Variants in AIG1 observed in about 807,000 individuals in gnomAD.
AIG1 encodes the protein androgen induced 1.
AIG1 carries 23 observed loss-of-function variants against 31.4 expected under a neutral mutation model. The ratio of observed to expected loss-of-function variants is 0.73; its 90% CI spans 0.53 to 1.04. AIG1 has a LOEUF of 1.04. Ranked by LOEUF, AIG1 falls within the 50% of genes least tolerant of loss-of-function variation. The pLI, the probability that AIG1 is intolerant of heterozygous loss-of-function variation, is 0.00. For missense variants in AIG1, 274 were observed against 295.0 expected (o/e 0.93, Z 0.52); for synonymous variants, 100 against 110.5 (o/e 0.90, Z 0.60).
chr6:143,242,748 A>C (rs1794329489), intron 3 of AIG1, among the ~76,000 whole-genome samples: 1 of 152,242 alleles, frequency 6.6e-6, no homozygotes, highest in South Asian at 2.1e-4. Context: ...TTAAGCTTGG[A>C]AAATCCAAGA....
At chr6:143,132,356 C>T (rs553376512) in intron 1 of AIG1, among the ~76,000 whole-genome samples, 1 of 152,102 alleles carries the variant, frequency 6.6e-6, no homozygotes, top group Non-Finnish European at 1.5e-5. Context: ...AAGTCTTTCA[C>T]CTTTGAGAGT....
chr6:143,126,265 C>A (rs771941669), intron 1 of AIG1: 1 of 152,150 alleles, frequency 6.6e-6, no homozygotes, highest in South Asian at 2.1e-4. Flanking sequence ...GATTTCTCTA[C>A]GGAGTAGCAT....
intron 1 of AIG1, among the ~76,000 whole-genome samples, chr6:143,100,486 A>G (rs1780160192): frequency 6.6e-6 from 1 of 152,256 alleles, no homozygotes; most frequent in South Asian, 2.1e-4. Context: ...CACAAAATTA[A>G]AAAGCATTCA....
At chr6:143,098,432 C>G (rs564253507) in intron 1 of AIG1, among the ~76,000 whole-genome samples, 4 of 152,330 alleles carry the variant, frequency 2.6e-5, no homozygotes, top group South Asian at 2.1e-4. Flanking sequence ...CTTAGCCTCC[C>G]TTACTGGTTC....
In AIG1 at chr6:143,327,482, A is replaced by G; in HGVS notation, c.516-5800A>G. 2.5e-6 allele frequency: 1 copy of G among 393,284 alleles called. No homozygotes were observed. Among genetic ancestry groups the G allele is most frequent in the South Asian group, 2.2e-5 (1 of 45,704 alleles). The allele number at this position is 393,284 out of a possible 1,614,324, so 24.4% of individuals were successfully genotyped here. Reference sequence around the variant, plus strand: ...AGATTTGCGCATTGATACCAGGCCCAACAAAACTGTCTGGGCCAAAGGAAT... The same window carrying G: ...AGATTTGCGCATTGATACCAGGCCCGACAAAACTGTCTGGGCCAAAGGAAT... On this transcript the variant is annotated intron_variant, in intron 4 of 5. Transcript: ENST00000357847. The surrounding 1 kb of genome is among the most constrained non-coding windows in gnomAD (Gnocchi z 5.3).
At chr6:143,148,918 GC>G (rs1430063736) in intron 2 of AIG1, among the ~76,000 whole-genome samples, 1 of 152,088 alleles carries the variant, frequency 6.6e-6, no homozygotes, top group Non-Finnish European at 1.5e-5. Flanking sequence ...CAATTGTGTT[GC>G]CGTTGCCTGT....
chr6:143,239,667 G>C (rs1244098911), intron 3 of AIG1, among the ~76,000 whole-genome samples: 1 of 152,182 alleles, frequency 6.6e-6, no homozygotes, highest in Non-Finnish European at 1.5e-5. Flanking sequence ...ATTAAGACAT[G>C]TGTTATTGCA....
intron 3 of AIG1, among the ~76,000 whole-genome samples, chr6:143,176,949 G>A (rs1012702205): frequency 6.6e-6 from 1 of 152,198 alleles, no homozygotes; most frequent in African/African-American, 2.4e-5. Context: ...TCCACACATG[G>A]CTTTGTCTGA....
intron 3 of AIG1, among the ~76,000 whole-genome samples, chr6:143,271,288 C>T (rs1001117332): frequency 1.3e-5 from 2 of 152,160 alleles, no homozygotes; most frequent in South Asian, 2.1e-4. Context: ...GGAGATGATT[C>T]GTTTCTGAAA....
At chr6:143,286,295 A>T (rs1485512270) in intron 4 of AIG1, among the ~76,000 whole-genome samples, 1 of 152,166 alleles carries the variant, frequency 6.6e-6, no homozygotes, top group Non-Finnish European at 1.5e-5. Context: ...CCTCATTAAA[A>T]TGAAGCATTA....
chr6:143,225,593 A>C (rs1322488851), intron 3 of AIG1, among the ~76,000 whole-genome samples: 2 of 152,210 alleles, frequency 1.3e-5, no homozygotes, highest in Non-Finnish European at 2.9e-5. Context: ...ACTACAAATG[A>C]CTTTTTCCTG....
chr6:143,274,426 A>T (rs983907071), intron 3 of AIG1, among the ~76,000 whole-genome samples: 1 of 152,230 alleles, frequency 6.6e-6, no homozygotes, highest in African/African-American at 2.4e-5. Flanking sequence ...GTTTTATTCC[A>T]TGTAAAGCGA....
At chr6:143,169,732 G>T (rs542950845) in intron 3 of AIG1, among the ~76,000 whole-genome samples, 1 of 152,188 alleles carries the variant, frequency 6.6e-6, no homozygotes, top group South Asian at 2.1e-4. Flanking sequence ...TAGTATGTTA[G>T]CTGTGGGTTT....
intron 2 of AIG1, among the ~76,000 whole-genome samples, chr6:143,156,038 C>G (rs1171568716): frequency 6.6e-6 from 1 of 152,186 alleles, no homozygotes; most frequent in Non-Finnish European, 1.5e-5. Context: ...GGGAGTGGTA[C>G]TGGGACAGGG....
chr6:143,126,480 A>C (rs2128506949), intron 1 of AIG1, among the ~76,000 whole-genome samples: 1 of 152,336 alleles, frequency 6.6e-6, no homozygotes, highest in East Asian at 1.9e-4. Context: ...ACTCTTGATA[A>C]CAGGGAGAAA....
chr6:143,085,430 G>T, intron 1 of AIG1, among the ~76,000 whole-genome samples: 1 of 152,034 alleles, frequency 6.6e-6, no homozygotes, highest in East Asian at 1.9e-4. Flanking sequence ...CACCTTTCTT[G>T]ACCACAAAGA....
At chr6:143,300,782 T>G (rs954578924) in intron 4 of AIG1, among the ~76,000 whole-genome samples, 2 of 152,164 alleles carry the variant, frequency 1.3e-5, no homozygotes, top group Non-Finnish European at 2.9e-5. Flanking sequence ...TAGAGCTATA[T>G]TTTTTAAATT....
At chr6:143,185,821 T>C (rs563894265) in intron 3 of AIG1, among the ~76,000 whole-genome samples, 5 of 152,344 alleles carry the variant, frequency 3.3e-5, no homozygotes, top group Non-Finnish European at 5.9e-5. Context: ...ATTTCCTTAT[T>C]CTCCAAGTCT....
chr6:143,314,184 TAAAAAAAAAAAAAA>T (rs35691634), intron 4 of AIG1, among the ~76,000 whole-genome samples: 1 of 90,614 alleles, frequency 1.1e-5, no homozygotes, highest in African/African-American at 4.9e-5. Context: ...ACCCATCTCT[TAAAAAAAAAAAAAA>T]AAAAAAAAAA....
Sources: gnomAD v4.1 joint callset for allele counts (sites outside exome capture counted in the v4.1 genomes callset) on GRCh38, gnomAD v4.1.1 for gene constraint, Gnocchi (gnomAD v3.1) non-coding constraint, MANE v1.5 for transcripts, NCBI Gene and HGNC (gene_info 2026-07-23, HGNC 2026-07-21) for gene names.